ZSWIM3: variants seen among roughly 807,000 people sequenced by gnomAD.
ZSWIM3 encodes zinc finger SWIM domain-containing protein 3.
A neutral mutation model predicts 47.5 loss-of-function variants in ZSWIM3; 27 were observed. That is an observed-to-expected ratio of 0.57 (90% CI 0.42 to 0.78). The LOEUF is 0.78. ZSWIM3 is among the 30% of genes least tolerant of loss of function. ZSWIM3 has a pLI of 0.00. For missense variants in ZSWIM3, 689 were observed against 861.3 expected (o/e 0.80, Z 2.50); for synonymous variants, 333 against 333.9 (o/e 1.00, Z 0.03).
chr20:45,869,689 C>A (rs2145789670), intron 1 of ZSWIM3, among the ~76,000 whole-genome samples: 1 of 152,158 alleles, frequency 6.6e-6, no homozygotes, highest in Admixed American at 6.5e-5. Flanking sequence ...ATGTTCAGGT[C>A]TCAGCTTTGT....
chr20:45,877,315 G>A lies in ZSWIM3; in HGVS notation c.757G>A (p.Val253Met). ...AGAAAGTCGAGTGGTGCACTTTGCT[G>A]TGCTCAAGGCGGAGACAGTCACCTC... Reference protein sequence around the residue: ...ERESRVVHFAVLKAETVTSVA... With the variant: ...ERESRVVHFAMLKAETVTSVA... Residue 253 changes from valine (V) to methionine (M), a missense_variant, in exon 2 of 2, where the codon GTG (valine) becomes ATG (methionine). Transcript: ENST00000255152. The A allele has an allele frequency of 6.2e-7, 1 of 1,614,194 alleles. No homozygotes were observed. Among genetic ancestry groups the A allele is most frequent in the Non-Finnish European group, 8.5e-7 (1 of 1,180,042 alleles).
Position 45,877,258 on chromosome 20 carries a change from C to T in ZSWIM3, c.700C>T (p.Leu234Phe). Residue 234 changes from leucine to phenylalanine, a missense_variant, in exon 2 of 2, where the codon CTC becomes TTC. Transcript: ENST00000255152. ...HRVENTQGHI[L>F]YAFLVENKER... The stretch of plus-strand genomic sequence containing the variant: ...GGTGGAGAACACCCAGGGCCACATC[C>T]TCTATGCTTTCTTGGTGGAGAACAA... 1 of 1,614,140 alleles carries T rather than the reference C, an allele frequency of 6.2e-7. No individual in the cohort carries two copies. The highest frequency in any genetic ancestry group is 8.5e-7 in the Non-Finnish European group (1 of 1,180,018).
Position 45,878,161 on chromosome 20 carries a change from C to T in ZSWIM3, c.1603C>T (p.Leu535=). Residue 535 remains leucine (L), a synonymous_variant, in exon 2 of 2, where the codon CTG becomes TTG. Coordinates refer to ENST00000255152, the MANE Select transcript of ZSWIM3 (RefSeq NM_080752.4). ...GGCTGGCTCTTCAGTGGACGTTCAG[C>T]TGCTAGAGGACTCTCACCAGGTTAG... is the stretch of plus-strand genomic sequence containing the variant. The part of the protein sequence containing the change: ...DMAGSSVDVQ[L]LEDSHQVSKD... The T allele has an allele frequency of 6.2e-7, 1 of 1,614,218 alleles. No individual in the cohort carries two copies. Among genetic ancestry groups the T allele is most frequent in the Non-Finnish European group, 8.5e-7 (1 of 1,180,040 alleles).
chr20:45,874,971 A>G (rs1986054692), intron 1 of ZSWIM3, among the ~76,000 whole-genome samples: 1 of 150,796 alleles, frequency 6.6e-6, no homozygotes, highest in Non-Finnish European at 1.5e-5. Flanking sequence ...TTTTTTCCCC[A>G]TGACACAACT....
At chr20:45,859,910 G>A (rs531408975) in intron 1 of ZSWIM3, among the ~76,000 whole-genome samples, 1 of 151,838 alleles carries the variant, frequency 6.6e-6, no homozygotes, top group South Asian at 2.1e-4. Context: ...TATTGAATGA[G>A]TGAGTTATCA....
chr20:45,876,167 C>T (rs935339067), intron 1 of ZSWIM3, among the ~76,000 whole-genome samples: 4 of 150,748 alleles, frequency 2.7e-5, no homozygotes, highest in East Asian at 2.0e-4. Context: ...CTCAGCCTCC[C>T]GAGTAGCTGG....
chr20:45,867,002 ATTT>A lies in ZSWIM3; in HGVS notation c.155+9041_155+9043del, dbSNP rs35863246. ...AAAATAAAATCAGATCAAGTTAGAA[ATTT>A]TTTTTTTTTTTTTTTTTTGAGACAG... is the stretch of plus-strand genomic sequence containing the variant. On this transcript the variant is annotated intron_variant, in intron 1 of 1. Transcript: ENST00000255152. 2.1e-3 allele frequency among the ~76,000 whole-genome samples: 287 copies of A among 137,466 alleles called. 3 individuals carry two copies. The East Asian group carries it at 0.033, about 16-fold the overall frequency. The allele number at this position is 137,466 out of a possible 152,430, so 90.2% of individuals were successfully genotyped here. A position where few individuals can be genotyped will look rare whatever the true frequency, so the allele number is the denominator to read the frequency against.
chr20:45,875,035 CTTTTTTT>C (rs35356697), intron 1 of ZSWIM3, among the ~76,000 whole-genome samples: 27 of 90,544 alleles, frequency 3.0e-4, no homozygotes, highest in South Asian at 2.6e-3. Context: ...TTAATTTTAA[CTTTTTTT>C]TTTTTTTTTT....
Position 45,877,318 on chromosome 20 carries a change from C to T in ZSWIM3, c.760C>T (p.Leu254Phe). The T allele has an allele frequency of 1.2e-6, 2 of 1,614,176 alleles. No homozygotes were observed. Among genetic ancestry groups the T allele is most frequent in the Non-Finnish European group, 1.7e-6 (2 of 1,180,036 alleles). Reference protein sequence around the residue: ...RESRVVHFAVLKAETVTSVAK... With the variant: ...RESRVVHFAVFKAETVTSVAK... ...AAGTCGAGTGGTGCACTTTGCTGTG[C>T]TCAAGGCGGAGACAGTCACCTCTGT... The change falls in exon 2 of 2, where the codon CTC becomes TTC. Residue 254 changes from leucine (L) to phenylalanine (F), a missense_variant. Coordinates refer to ENST00000255152, the MANE Select transcript of ZSWIM3 (RefSeq NM_080752.4).
chr20:45,876,766 A>C lies in ZSWIM3; in HGVS notation c.208A>C (p.Thr70Pro). The C allele has an allele frequency of 1.2e-6, 2 of 1,614,148 alleles. No homozygotes were observed. The highest frequency in any genetic ancestry group is 1.7e-6 in the Non-Finnish European group (2 of 1,180,018). Residue 70 changes from threonine to proline, a missense_variant, in exon 2 of 2, where the codon ACG becomes CCG. Transcript: ENST00000255152. ...TCGGACCCAATCAAACAGGAAGAGA[A>C]CGCGGGAGGCAGACATGTGCCCAGC... is the stretch of plus-strand genomic sequence containing the variant. The part of the protein sequence containing the change: ...CIRTQSNRKR[T>P]READMCPAYL...
At chr20:45,860,231 C>A (rs1221784304) in intron 1 of ZSWIM3, among the ~76,000 whole-genome samples, 1 of 152,142 alleles carries the variant, frequency 6.6e-6, no homozygotes, top group African/African-American at 2.4e-5. Flanking sequence ...GAATCCATTT[C>A]CCGCCGGGTG....
chr20:45,866,505 G>A (rs1985845404), intron 1 of ZSWIM3, among the ~76,000 whole-genome samples: 1 of 151,292 alleles, frequency 6.6e-6, no homozygotes, highest in Admixed American at 6.6e-5. Flanking sequence ...GAAGGGTGTG[G>A]GGATGATTAA....
At chr20:45,876,030 TG>T (rs1986083172) in intron 1 of ZSWIM3, among the ~76,000 whole-genome samples, 1 of 25,292 alleles carries the variant, frequency 4.0e-5, no homozygotes, top group African/African-American at 1.0e-4. Context: ...GTTTGTTTTT[TG>T]TTTTTTTGTT....
At chr20:45,861,612 T>C (rs1319438926) in intron 1 of ZSWIM3, among the ~76,000 whole-genome samples, 2 of 152,150 alleles carry the variant, frequency 1.3e-5, no homozygotes, top group African/African-American at 4.8e-5. Flanking sequence ...TCTCGCTCTA[T>C]TGCCCAGGCT....
chr20:45,870,769 C>T (rs1985957829), intron 1 of ZSWIM3, among the ~76,000 whole-genome samples: 1 of 151,956 alleles, frequency 6.6e-6, no homozygotes, highest in African/African-American at 2.4e-5. Flanking sequence ...TCTTGACTCA[C>T]TGCAACCTCT....
At chr20:45,869,011 A>G (rs902758445) in intron 1 of ZSWIM3, among the ~76,000 whole-genome samples, 1 of 151,488 alleles carries the variant, frequency 6.6e-6, no homozygotes, top group African/African-American at 2.4e-5. Context: ...CATGTTGGTC[A>G]GGCTGGTCTT....
rs1985576293 is a variant in ZSWIM3 at position 45,857,918 on chromosome 20, G to C, written c.93G>C (p.Arg31Ser). The C allele has an allele frequency of 1.2e-6, 2 of 1,612,972 alleles. No individual in the cohort carries two copies. The highest frequency in any genetic ancestry group is 1.7e-5 in the Admixed American group (1 of 59,888). Residue 31 changes from arginine to serine, a missense_variant, in exon 1 of 2, where the codon AGG (arginine) becomes AGC (serine). By Grantham distance (110) the Arg-to-Ser change is moderately radical. Transcript: ENST00000255152. ...AGAACAGGTGCTCCTTCATTCTCAG[G>C]GACTGCGTCTCCGTCCGCTTCCACA... ...KRENRCSFIL[R>S]DCVSVRFHNL...
At chr20:45,860,636 G>C (rs1985685306) in intron 1 of ZSWIM3, among the ~76,000 whole-genome samples, 1 of 151,910 alleles carries the variant, frequency 6.6e-6, no homozygotes, top group Non-Finnish European at 1.5e-5. Flanking sequence ...AGCAGGTTGA[G>C]TCATCACATC....
Position 45,877,937 on chromosome 20 carries a change from G to A in ZSWIM3, c.1379G>A (p.Cys460Tyr). The part of the protein sequence containing the change: ...PLKSKKAFGI[C>Y]GESLTSLPAE... ...AAGTCCAAGAAGGCTTTTGGAATCTGTGGAGAGAGCCTTACCAGCCTCCCT... is the reference window on the plus strand; with the variant it reads ...AAGTCCAAGAAGGCTTTTGGAATCTATGGAGAGAGCCTTACCAGCCTCCCT... The change falls in exon 2 of 2, where the codon TGT becomes TAT. Residue 460 changes from cysteine (C) to tyrosine (Y), a missense_variant. By Grantham distance (194) the Cys-to-Tyr change is radical. Coordinates refer to ENST00000255152, the MANE Select transcript of ZSWIM3 (RefSeq NM_080752.4). 1 of 1,614,176 alleles carries A rather than the reference G, an allele frequency of 6.2e-7. No homozygotes were observed. The highest frequency in any genetic ancestry group is 1.6e-4 in the Middle Eastern group (1 of 6,062).
Sources: allele counts gnomAD v4.1 joint callset (sites outside exome capture counted in the v4.1 genomes callset), GRCh38; gene constraint gnomAD v4.1.1; transcripts MANE v1.5; gene names NCBI Gene and HGNC (gene_info 2026-07-23, HGNC 2026-07-21).